The following METTL15 variants were observed in gnomAD, a reference collection of about 807,000 sequenced individuals.
METTL15 encodes methyltransferase 15, mitochondrial 12S rRNA N4-cytidine.
A neutral mutation model predicts 38.3 loss-of-function variants in METTL15; 34 were observed. The ratio of observed to expected loss-of-function variants is 0.89; its 90% CI spans 0.68 to 1.18. METTL15 has a LOEUF of 1.18. METTL15 is among the 50% of genes most tolerant of loss of function. The pLI, the probability that METTL15 is intolerant of heterozygous loss-of-function variation, is 0.00. For missense variants in METTL15, 438 were observed against 498.4 expected, an observed-to-expected ratio of 0.88 and a Z score of 1.15; for synonymous variants, 162 against 170.9, an observed-to-expected ratio of 0.95 and a Z score of 0.41.
Position 28,522,680 on chromosome 11 carries a change from A to G in METTL15, c.*425-3798A>G, listed in dbSNP as rs538012014. ...CAAGAAGGCAGAAGGAGCCTCAGGA[A>G]CCAACACAATCAGGAAAAGTTGGGC... On this transcript the variant is annotated intron_variant and NMD_transcript_variant, in intron 6 of 7. Transcript: ENST00000532947. 2.0e-5 allele frequency among the ~76,000 whole-genome samples: 3 copies of G among 152,300 alleles called. No homozygotes were observed. In the South Asian group the frequency reaches 6.2e-4, roughly 32 times the overall value.
intron 4 of METTL15, among the ~76,000 whole-genome samples, chr11:28,271,518 G>T (rs764971370): frequency 6.6e-6 from 1 of 151,946 alleles, no homozygotes; most frequent in African/African-American, 2.4e-5. Context: ...GTGGCCTAAC[G>T]ATCCACACTG....
intron 3 of METTL15, among the ~76,000 whole-genome samples, chr11:28,167,953 A>G (rs1163937845): frequency 1.3e-5 from 2 of 152,114 alleles, no homozygotes; most frequent in Non-Finnish European, 2.9e-5. Context: ...ACCTTTTTAT[A>G]TTCTAAAAGA....
intron 4 of METTL15, among the ~76,000 whole-genome samples, chr11:28,268,567 T>C (rs957538367): frequency 2.0e-5 from 3 of 152,168 alleles, no homozygotes; most frequent in Non-Finnish European, 4.4e-5. Context: ...TTATATATAC[T>C]ATATAAATGG....
At chr11:28,237,696 A>C (rs994698208) in intron 4 of METTL15, among the ~76,000 whole-genome samples, 1 of 152,040 alleles carries the variant, frequency 6.6e-6, no homozygotes, top group Non-Finnish European at 1.5e-5. Flanking sequence ...TAGAGTTTCC[A>C]CTTTTTCTGC....
At chr11:28,355,596 A>C (rs916815450) in intron 4 of METTL15, among the ~76,000 whole-genome samples, 1 of 152,242 alleles carries the variant, frequency 6.6e-6, no homozygotes, top group African/African-American at 2.4e-5. Context: ...AATTAAAAAC[A>C]ATACAGTATA....
At chr11:28,238,537 C>T (rs1175158620) in intron 4 of METTL15, among the ~76,000 whole-genome samples, 1 of 152,214 alleles carries the variant, frequency 6.6e-6, no homozygotes, top group African/African-American at 2.4e-5. Context: ...GGAAAGGGAA[C>T]TCCCTGACCC....
chr11:28,246,613 A>T (rs908969994), intron 4 of METTL15, among the ~76,000 whole-genome samples: 9 of 152,164 alleles, frequency 5.9e-5, no homozygotes, highest in African/African-American at 1.9e-4. Context: ...GCCAAAGTAA[A>T]TGATCAATAG....
intron 4 of METTL15, among the ~76,000 whole-genome samples, chr11:28,278,466 C>T (rs1855925144): frequency 6.6e-6 from 1 of 151,880 alleles, no homozygotes; most frequent in African/African-American, 2.4e-5. Context: ...TTAATGAAAC[C>T]TCTAGGCCTT....
At chr11:28,430,118 T>A (rs2133428727) in intron 6 of METTL15, among the ~76,000 whole-genome samples, 2 of 150,126 alleles carry the variant, frequency 1.3e-5, no homozygotes, top group East Asian at 4.1e-4. Context: ...ACCCTCTGCC[T>A]GGCAACCACC....
At chr11:28,211,810 A>G (rs1237919634) in intron 4 of METTL15, among the ~76,000 whole-genome samples, 1 of 152,082 alleles carries the variant, frequency 6.6e-6, no homozygotes, top group African/African-American at 2.4e-5. Context: ...ATCATTTTAA[A>G]AGAGAAAAAT....
chr11:28,512,071 C>T (rs1050661072), intron 6 of METTL15, among the ~76,000 whole-genome samples: 6 of 151,992 alleles, frequency 3.9e-5, no homozygotes, highest in South Asian at 2.1e-4. Flanking sequence ...CTGATTGGTG[C>T]GTTTACAATC....
chr11:28,376,094 G>A (rs1190703513), intron 5 of METTL15, among the ~76,000 whole-genome samples: 2 of 151,908 alleles, frequency 1.3e-5, no homozygotes, highest in African/African-American at 2.4e-5. Flanking sequence ...CAAGTATGTG[G>A]TCAATTTTGG....
intron 5 of METTL15, among the ~76,000 whole-genome samples, chr11:28,383,272 C>T (rs756295188): frequency 2.0e-5 from 3 of 152,070 alleles, no homozygotes; most frequent in Non-Finnish European, 4.4e-5. Context: ...TCAGCTCCAT[C>T]CATGTTGCTG....
intron 5 of METTL15, among the ~76,000 whole-genome samples, chr11:28,365,244 G>A (rs1850174530): frequency 6.6e-6 from 1 of 152,140 alleles, no homozygotes. Context: ...AATAGTTTCA[G>A]TAGCATTGGT....
chr11:28,368,143 C>CAAA (rs1421370868), intron 5 of METTL15, among the ~76,000 whole-genome samples: 1 of 87,084 alleles, frequency 1.1e-5, no homozygotes, highest in Non-Finnish European at 2.4e-5. Flanking sequence ...AAAAAAAAAA[C>CAAA]AAAAAAAACA....
intron 6 of METTL15, among the ~76,000 whole-genome samples, chr11:28,315,825 G>C (rs760672059): frequency 3.9e-5 from 6 of 152,236 alleles, no homozygotes; most frequent in Non-Finnish European, 8.8e-5. Flanking sequence ...TGTTGCTTCA[G>C]GGGGTGGAAG....
At chr11:28,176,515 A>G (rs534863586) in intron 3 of METTL15, among the ~76,000 whole-genome samples, 1 of 152,288 alleles carries the variant, frequency 6.6e-6, no homozygotes, top group East Asian at 1.9e-4. Flanking sequence ...GTACAGGAGT[A>G]TAATAAGGGT....
rs774053582 is a variant in METTL15, at chr11:28,211,209, C to T, written c.407+11C>T. On this transcript the variant is annotated intron_variant, in intron 4 of 6. Transcript: ENST00000407364. The stretch of plus-strand genomic sequence containing the variant: ...TTCAGAGTTGTATCCGTAAGTAATA[C>T]CCTTGCATATTTATTTGATTTTGGT... The T allele has an allele frequency of 3.8e-6, 6 of 1,593,010 alleles. No homozygotes were observed. The East Asian group carries it at 1.4e-4, about 36-fold the overall frequency.
intron 6 of METTL15, among the ~76,000 whole-genome samples, chr11:28,442,309 T>C (rs572850911): frequency 3.9e-5 from 6 of 152,216 alleles, no homozygotes; most frequent in African/African-American, 1.4e-4. Context: ...TCAAAGGGCA[T>C]ATTTCCTGAA....
Sources: gnomAD v4.1 joint callset for allele counts (sites outside exome capture counted in the v4.1 genomes callset) on GRCh38, gnomAD v4.1.1 for gene constraint, MANE v1.5 for transcripts, NCBI Gene and HGNC (gene_info 2026-07-23, HGNC 2026-07-21) for gene names.